The following MBNL2 variants were observed in gnomAD, a reference collection of about 807,000 sequenced individuals.
MBNL2 encodes muscleblind-like protein 2.
A neutral mutation model predicts 41.9 loss-of-function variants in MBNL2; 17 were observed. The ratio of observed to expected loss-of-function variants is 0.41; its 90% CI spans 0.28 to 0.61. The LOEUF is 0.61. Among genes scored for constraint, MBNL2 ranks in the 20% least tolerant of loss-of-function variants. MBNL2 has a pLI of 0.35. For synonymous variants in MBNL2, 195 were observed against 182.9 expected, an observed-to-expected ratio of 1.07 and a Z score of -0.53; for missense variants, 336 against 505.6, an observed-to-expected ratio of 0.66 and a Z score of 3.22.
chr13:97,244,004 C>T (rs2044893722), intron 1 of MBNL2, among the ~76,000 whole-genome samples: 1 of 152,170 alleles, frequency 6.6e-6, no homozygotes, highest in African/African-American at 2.4e-5. Flanking sequence ...AAAACACACT[C>T]TGGTTCTTGA....
intron 1 of MBNL2, among the ~76,000 whole-genome samples, chr13:97,240,823 T>G (rs1380344911): frequency 6.6e-6 from 1 of 152,150 alleles, no homozygotes; most frequent in Non-Finnish European, 1.5e-5. Flanking sequence ...AGTGCATGTG[T>G]GAAAATGAAG....
chr13:97,263,870 G>A lies in MBNL2; in HGVS notation c.-604-11762G>A, dbSNP rs973840052. 5.3e-5 allele frequency among the ~76,000 whole-genome samples: 8 copies of A among 151,906 alleles called. No individual in the cohort carries two copies. The South Asian group carries it at 8.3e-4, about 16-fold the overall frequency. Reference sequence around the variant, plus strand: ...TGACCTCAGGTGATCTGCCCGCCTCGGCCTCCGAAAGTGCTCGGATTACAG... The same window carrying A: ...TGACCTCAGGTGATCTGCCCGCCTCAGCCTCCGAAAGTGCTCGGATTACAG... On this transcript the variant is annotated intron_variant, in intron 1 of 8. Coordinates refer to ENST00000679496, the MANE Select transcript of MBNL2 (RefSeq NM_001382683.1).
chr13:97,334,047 A>G lies in MBNL2; in HGVS notation c.175-229A>G, dbSNP rs1474248729. ...GGGAGGGAGGGAAAAATCCTCAGGA[A>G]GCTTCTCTACTTAACATGTTCTTAA... is the stretch of plus-strand genomic sequence containing the variant. On this transcript the variant is annotated intron_variant, in intron 2 of 8. Transcript: ENST00000679496. This position sits in a 1 kb window ranked among gnomAD's most constrained non-coding sequence, Gnocchi z 5.3. 6.6e-6 allele frequency among the ~76,000 whole-genome samples: 1 copy of G among 151,874 alleles called. No homozygotes were observed. Among genetic ancestry groups the G allele is most frequent in the East Asian group, 1.9e-4 (1 of 5,168 alleles).
At chr13:97,181,228 G>T in the MBNL2 span, among the ~76,000 whole-genome samples, 4 of 152,080 alleles carry the variant, frequency 2.6e-5, no homozygotes, top group Admixed American at 2.0e-4. Context: ...CCCATCTGAA[G>T]ACCCTGAATG....
intron 1 of MBNL2, among the ~76,000 whole-genome samples, chr13:97,262,656 C>T (rs1184725740): frequency 6.6e-6 from 1 of 152,176 alleles, no homozygotes; most frequent in African/African-American, 2.4e-5. Context: ...GGATCCATGC[C>T]CATCACTTCT....
chr13:97,237,506 G>C (rs1035232529), intron 1 of MBNL2, among the ~76,000 whole-genome samples: 1 of 152,180 alleles, frequency 6.6e-6, no homozygotes, highest in Non-Finnish European at 1.5e-5. Flanking sequence ...AATCACCATG[G>C]TGAAGGTATT....
At chr13:97,183,351 C>T in the MBNL2 span, among the ~76,000 whole-genome samples, 1 of 152,270 alleles carries the variant, frequency 6.6e-6, no homozygotes, top group African/African-American at 2.4e-5. Context: ...ACTCTAGTTA[C>T]CTCTGTTCTT....
At chr13:97,179,420 A>G in the MBNL2 span, 1 of 152,212 alleles carries the variant, frequency 6.6e-6, no homozygotes, top group Non-Finnish European at 1.5e-5. Context: ...TGACATGAAA[A>G]TATACTCAGA....
intron 8 of MBNL2, among the ~76,000 whole-genome samples, chr13:97,380,115 C>G (rs959205394): frequency 2.6e-5 from 4 of 152,204 alleles, no homozygotes; most frequent in African/African-American, 9.7e-5. Context: ...AGGTAAGGAA[C>G]TGAGTGCAAA....
intron 2 of MBNL2, among the ~76,000 whole-genome samples, chr13:97,299,648 A>ATATCTATCTATC (rs59785563): frequency 0.16 from 24,142 of 149,246 alleles, 2,377 homozygotes; most frequent in East Asian, 0.27. Context: ...TAGAATTACT[A>ATATCTATCTATC]TATCTATCTA....
the MBNL2 span, among the ~76,000 whole-genome samples, chr13:97,144,888 T>C: frequency 2.0e-5 from 3 of 152,204 alleles, no homozygotes; most frequent in African/African-American, 7.2e-5. Context: ...GGAAGGACCC[T>C]GACATAGAGC....
chr13:97,339,496 C>T (rs994646022), intron 3 of MBNL2, among the ~76,000 whole-genome samples: 9 of 152,108 alleles, frequency 5.9e-5, no homozygotes, highest in South Asian at 2.1e-4. Flanking sequence ...TGAGAGATGA[C>T]GTGGACCAAA....
chr13:97,261,866 C>T (rs2048692880), intron 1 of MBNL2, among the ~76,000 whole-genome samples: 1 of 152,206 alleles, frequency 6.6e-6, no homozygotes, highest in South Asian at 2.1e-4. Flanking sequence ...TGTCTCGTTT[C>T]CTCGCTGAGG....
chr13:97,347,098 C>G (rs1202287725), intron 5 of MBNL2, 31 bp downstream of exon 5: 3 of 1,485,862 alleles, frequency 2.0e-6, no homozygotes, highest in Non-Finnish European at 1.8e-6. Flanking sequence ...CCCCTGCACC[C>G]CGGCGCCTCT....
intron 1 of MBNL2, among the ~76,000 whole-genome samples, chr13:97,259,302 G>A (rs1245881317): frequency 6.6e-6 from 1 of 152,122 alleles, no homozygotes; most frequent in African/African-American, 2.4e-5. Flanking sequence ...ATGTAAAGAA[G>A]AAGAATAAAA....
At chr13:97,369,109 A>T (rs1282384223) in intron 8 of MBNL2, among the ~76,000 whole-genome samples, 1 of 152,190 alleles carries the variant, frequency 6.6e-6, no homozygotes, top group Non-Finnish European at 1.5e-5. Context: ...GATATTCTTT[A>T]TGTATTTTCA....
intron 8 of MBNL2, among the ~76,000 whole-genome samples, chr13:97,380,398 A>G (rs1179188472): frequency 6.6e-6 from 1 of 151,344 alleles, no homozygotes; most frequent in Non-Finnish European, 1.5e-5. Context: ...GGAGGCTGAG[A>G]CAGGACAATC....
chr13:97,323,447 T>G (rs2059665752), intron 2 of MBNL2, among the ~76,000 whole-genome samples: 1 of 152,250 alleles, frequency 6.6e-6, no homozygotes, highest in Admixed American at 6.5e-5. Flanking sequence ...GGTCAGACTT[T>G]TGTCTTGGCA....
At chr13:97,377,451 G>A (rs1027586036) in intron 8 of MBNL2, among the ~76,000 whole-genome samples, 2 of 152,072 alleles carry the variant, frequency 1.3e-5, no homozygotes, top group African/African-American at 2.4e-5. Context: ...TTTGAACTTT[G>A]TTCAATAAAA....
Sources: allele counts gnomAD v4.1 joint callset (sites outside exome capture counted in the v4.1 genomes callset), GRCh38; gene constraint gnomAD v4.1.1; non-coding constraint Gnocchi (gnomAD v3.1); transcripts MANE v1.5; gene names NCBI Gene and HGNC (gene_info 2026-07-23, HGNC 2026-07-21).